The following KCNJ12 variants were observed in gnomAD, a reference collection of about 807,000 sequenced individuals.
KCNJ12 encodes the protein ATP-sensitive inward rectifier potassium channel 12.
KCNJ12 carries 2 observed loss-of-function variants against 22.3 expected under a neutral mutation model. That is an observed-to-expected ratio of 0.09 (90% CI 0.04 to 0.28). KCNJ12 has a LOEUF of 0.28. KCNJ12 is among the 10% of genes least tolerant of loss of function. The probability of loss-of-function intolerance (pLI) is 1.00; values close to 1 mark genes in which losing one functional copy is unlikely to be tolerated. For missense variants in KCNJ12, 155 were observed against 633.3 expected (o/e 0.24, Z 8.11); for synonymous variants, 117 against 261.4 (o/e 0.45, Z 5.33).
chr17:21,412,120 C>T (rs1384826871), intron 2 of KCNJ12, among the ~76,000 whole-genome samples: 2 of 152,354 alleles, frequency 1.3e-5, no homozygotes, highest in African/African-American at 4.8e-5. Flanking sequence ...TGCTCAGTTT[C>T]CAGGGGTCCT....
chr17:21,382,709 A>T (rs1271537753), intron 1 of KCNJ12, among the ~76,000 whole-genome samples: 1 of 151,850 alleles, frequency 6.6e-6, no homozygotes. Flanking sequence ...TTTTGTGGGG[A>T]GCAGATAGGT....
At chr17:21,383,737 G>A (rs907026109) in intron 1 of KCNJ12, among the ~76,000 whole-genome samples, 17 of 152,100 alleles carry the variant, frequency 1.1e-4, no homozygotes, top group African/African-American at 3.1e-4. Context: ...AGGTATTTGC[G>A]TGGTGAGCTT....
chr17:21,386,062 T>G (rs1344034390), intron 1 of KCNJ12, among the ~76,000 whole-genome samples: 2 of 152,236 alleles, frequency 1.3e-5, no homozygotes, highest in African/African-American at 2.4e-5. Flanking sequence ...GGCAAGCCAG[T>G]GAGACCCTGT....
At chr17:21,389,589 G>A (rs1355783535) in intron 1 of KCNJ12, among the ~76,000 whole-genome samples, 10 of 152,154 alleles carry the variant, frequency 6.6e-5, no homozygotes, top group African/African-American at 2.2e-4. Context: ...GGGATCCCCA[G>A]TCCTGAGGGG....
At chr17:21,382,215 T>C (rs1317398078) in intron 1 of KCNJ12, among the ~76,000 whole-genome samples, 4 of 152,250 alleles carry the variant, frequency 2.6e-5, no homozygotes, top group Non-Finnish European at 4.4e-5. Context: ...GCACTTGGCC[T>C]GCTTCAGCTC....
In KCNJ12 at chr17:21,415,714, G is replaced by T. The variant is rs1555562545; in HGVS notation, c.372G>T (p.Val124=). 6.2e-7 allele frequency: 1 copy of T among 1,613,176 alleles called. No individual in the cohort carries two copies. Among genetic ancestry groups the T allele is most frequent in the South Asian group, 1.1e-5 (1 of 91,062 alleles). Reference sequence around the variant, plus strand: ...AGGGCCGGGGCCGCACACCCTGTGTGATGCAGGTGCACGGCTTCATGGCGG... The same window carrying T: ...AGGGCCGGGGCCGCACACCCTGTGTTATGCAGGTGCACGGCTTCATGGCGG... ...PAEGRGRTPC[V]MQVHGFMAAF... Residue 124 remains valine (V), a synonymous_variant, in exon 3 of 3, where the codon GTG becomes GTT. Coordinates refer to ENST00000583088, the MANE Select transcript of KCNJ12 (RefSeq NM_021012.5).
Position 21,416,608 on chromosome 17 carries a change from G to A in KCNJ12, c.1266G>A (p.Leu422=). Residue 422 remains leucine (L), a synonymous_variant, in exon 3 of 3, where the codon CTG becomes CTA. Transcript: ENST00000583088. ...FDRLQAGGGV[L]EQRPYRRESE... is the part of the protein sequence containing the mutation. ...GACTCCAGGCTGGCGGCGGGGTCCT[G>A]GAGCAGCGGCCCTACAGACGGGAGT... is the stretch of plus-strand genomic sequence containing the variant. 2 of 1,605,258 alleles carry A rather than the reference G, an allele frequency of 1.2e-6. No individual in the cohort carries two copies. Among genetic ancestry groups the A allele is most frequent in the Non-Finnish European group, 1.7e-6 (2 of 1,176,034 alleles).
chr17:21,381,598 C>T (rs117642733), intron 1 of KCNJ12, among the ~76,000 whole-genome samples: 3,967 of 152,222 alleles, frequency 0.026, 82 homozygotes, highest in Non-Finnish European at 0.043. Context: ...GATCTCTGCA[C>T]GGCCCCTCCC....
At chr17:21,383,299 C>T (rs570735702) in intron 1 of KCNJ12, among the ~76,000 whole-genome samples, 4 of 152,300 alleles carry the variant, frequency 2.6e-5, no homozygotes, top group East Asian at 3.9e-4. Context: ...CAGCAGCTGG[C>T]GTTCTGTGTG....
chr17:21,406,924 A>G (rs1905977827), intron 1 of KCNJ12, among the ~76,000 whole-genome samples: 1 of 152,286 alleles, frequency 6.6e-6, no homozygotes. Flanking sequence ...CTCTTCTCTG[A>G]TTCTCACGGC....
chr17:21,384,513 G>C (rs1253633918), intron 1 of KCNJ12, among the ~76,000 whole-genome samples: 4 of 152,168 alleles, frequency 2.6e-5, no homozygotes, highest in African/African-American at 9.7e-5. Flanking sequence ...GGTCTGGGGG[G>C]CTTCAGAGTC....
At chr17:21,391,412 C>G (rs1273373347) in intron 1 of KCNJ12, among the ~76,000 whole-genome samples, 4 of 152,214 alleles carry the variant, frequency 2.6e-5, no homozygotes, top group African/African-American at 9.7e-5. Context: ...AGCCTGCGTT[C>G]TTGCTGTACC....
intron 1 of KCNJ12, among the ~76,000 whole-genome samples, chr17:21,388,887 A>G (rs1417929297): frequency 6.6e-6 from 1 of 152,110 alleles, no homozygotes; most frequent in Non-Finnish European, 1.5e-5. Flanking sequence ...GAAGGTAGAG[A>G]CATCCTGGGC....
At position 21,384,114 on chromosome 17, in the gene KCNJ12, G is replaced by A. The variant is rs114753768; in HGVS notation, c.-179+7201G>A. On this transcript the variant is annotated intron_variant, in intron 1 of 2. Coordinates refer to ENST00000583088, the MANE Select transcript of KCNJ12 (RefSeq NM_021012.5). The stretch of plus-strand genomic sequence containing the variant: ...AATAAGTAAATGGAGGCATAGAAAC[G>A]TGCTAATATCTAAGTTGCCTTTTTT... Among the ~76,000 whole-genome samples the A allele has an allele frequency of 2.1e-3, 318 of 152,206 alleles. 2 individuals are homozygous for A. Among genetic ancestry groups the A allele is most frequent in the African/African-American group, 6.5e-3 (270 of 41,512 alleles).
Position 21,419,630 on chromosome 17 carries a change from C to G in KCNJ12, c.*2986C>G, listed in dbSNP as rs1907036591. On this transcript the variant is annotated 3_prime_UTR_variant, in exon 3 of 3. Transcript: ENST00000583088. ...CCTGCTGCTCAGAGCACGGTGGCCACCCCCTGAGCCTCTGCTGGTGCTGTG... is the reference window on the plus strand; with the variant it reads ...CCTGCTGCTCAGAGCACGGTGGCCAGCCCCTGAGCCTCTGCTGGTGCTGTG... 6.0e-6 allele frequency: 1 copy of G among 167,412 alleles called. No individual in the cohort carries two copies. The highest frequency in any genetic ancestry group is 1.5e-5 in the Non-Finnish European group (1 of 68,372). 10.4% of individuals were successfully genotyped at this position (167,412 alleles called of 1,614,324 possible).
chr17:21,379,792 G>T (rs1471435896), intron 1 of KCNJ12, among the ~76,000 whole-genome samples: 1 of 151,996 alleles, frequency 6.6e-6, no homozygotes, highest in Non-Finnish European at 1.5e-5. Context: ...TGGGGTTGGG[G>T]GTGGGGGGGG....
intron 1 of KCNJ12, among the ~76,000 whole-genome samples, chr17:21,399,734 C>T (rs1251437341): frequency 2.6e-5 from 4 of 152,180 alleles, no homozygotes; most frequent in Middle Eastern, 3.2e-3. Context: ...GGCCAACGTG[C>T]GTGGTCAAAT....
intron 1 of KCNJ12, among the ~76,000 whole-genome samples, chr17:21,377,638 GC>G (rs1308396497): frequency 2.0e-5 from 3 of 152,030 alleles, no homozygotes; most frequent in Non-Finnish European, 2.9e-5. Context: ...GGAATCAGGG[GC>G]TCATGGGCAG....
At chr17:21,414,962 T>C (rs1323653620) in intron 2 of KCNJ12, among the ~76,000 whole-genome samples, 2 of 152,302 alleles carry the variant, frequency 1.3e-5, no homozygotes, top group African/African-American at 4.8e-5. Context: ...TGGCAAGTTG[T>C]GCCCCGAACT....
Sources: allele counts gnomAD v4.1 joint callset (sites outside exome capture counted in the v4.1 genomes callset), GRCh38; gene constraint gnomAD v4.1.1; transcripts MANE v1.5; gene names NCBI Gene and HGNC (gene_info 2026-07-23, HGNC 2026-07-21).